PGBD2: variants seen among roughly 807,000 people sequenced by gnomAD.
PGBD2 encodes piggyBac transposable element derived 2, also known as piggyBac transposable element-derived protein 2.
PGBD2 carries 6 observed loss-of-function variants against 8.1 expected under a neutral mutation model. The ratio of observed to expected loss-of-function variants is 0.74; its 90% CI spans 0.40 to 1.46. PGBD2 has a LOEUF of 1.46. Among genes scored for constraint, PGBD2 ranks in the 40% most tolerant of loss-of-function variants. PGBD2 has a pLI of 0.02. For missense variants in PGBD2, 802 were observed against 739.0 expected (o/e 1.09, Z -0.99); for synonymous variants, 318 against 272.2 (o/e 1.17, Z -1.66).
At chr1:248,878,922 A>G in the PGBD2 span, among the ~76,000 whole-genome samples, 1 of 152,158 alleles carries the variant, frequency 6.6e-6, no homozygotes, top group African/African-American at 2.4e-5. Context: ...TAATGGTCCT[A>G]TAAAATCTAT....
At chr1:248,875,333 A>AG in the PGBD2 span, among the ~76,000 whole-genome samples, 1 of 148,850 alleles carries the variant, frequency 6.7e-6, no homozygotes, top group Non-Finnish European at 1.5e-5. Flanking sequence ...AAAAAAGAAA[A>AG]GAAAAAAAGA....
the PGBD2 span, among the ~76,000 whole-genome samples, chr1:248,873,945 A>T: frequency 6.6e-6 from 1 of 152,182 alleles, no homozygotes; most frequent in Admixed American, 6.5e-5. Context: ...CGTGGGTTCG[A>T]ATCCCACTTC....
the PGBD2 span, among the ~76,000 whole-genome samples, chr1:248,877,932 G>C: frequency 6.6e-6 from 1 of 152,312 alleles, no homozygotes; most frequent in Admixed American, 6.5e-5. Context: ...ATTTTATGGA[G>C]AATATTAATG....
At chr1:248,884,316 G>C in the PGBD2 span, among the ~76,000 whole-genome samples, 1 of 151,330 alleles carries the variant, frequency 6.6e-6, no homozygotes, top group East Asian at 1.9e-4. Flanking sequence ...CCTTTGAGGT[G>C]ATCAGATTAC....
the PGBD2 span, among the ~76,000 whole-genome samples, chr1:248,897,801 A>C: frequency 7.3e-6 from 1 of 136,404 alleles, no homozygotes; most frequent in South Asian, 2.1e-4. Context: ...CCCATGGGCC[A>C]GTGGCAGCGA....
At chr1:248,885,941 T>C in the PGBD2 span, among the ~76,000 whole-genome samples, 1 of 152,232 alleles carries the variant, frequency 6.6e-6, no homozygotes, top group African/African-American at 2.4e-5. Context: ...TAGAACATAA[T>C]GTCTTCCTTC....
upstream of PGBD2, among the ~76,000 whole-genome samples, chr1:248,905,555 A>G (rs370196937): frequency 6.6e-6 from 1 of 152,288 alleles, no homozygotes; most frequent in South Asian, 2.1e-4. Context: ...TTAAGGTTCT[A>G]TTTTTACCAA....
upstream of PGBD2, among the ~76,000 whole-genome samples, chr1:248,902,383 T>C (rs1661550114): frequency 6.6e-6 from 1 of 152,204 alleles, no homozygotes; most frequent in Non-Finnish European, 1.5e-5. Context: ...CAGAATGCTT[T>C]TACACTGTTG....
At chr1:248,893,261 C>T in the PGBD2 span, among the ~76,000 whole-genome samples, 1 of 152,220 alleles carries the variant, frequency 6.6e-6, no homozygotes, top group Non-Finnish European at 1.5e-5. Flanking sequence ...AATCCTCTAA[C>T]ATTTTTAAGT....
chr1:248,896,405 C>CT, the PGBD2 span, among the ~76,000 whole-genome samples: 2 of 152,102 alleles, frequency 1.3e-5, no homozygotes, highest in Admixed American at 6.5e-5. Context: ...CTGGAAAACT[C>CT]TAACTCTCAC....
chr1:248,875,724 A>G, the PGBD2 span, among the ~76,000 whole-genome samples: 1 of 152,312 alleles, frequency 6.6e-6, no homozygotes, highest in African/African-American at 2.4e-5. Flanking sequence ...GTGTTATCAT[A>G]CACTCTACAC....
chr1:248,882,753 C>T, the PGBD2 span, among the ~76,000 whole-genome samples: 2 of 152,332 alleles, frequency 1.3e-5, no homozygotes, highest in Admixed American at 6.5e-5. Flanking sequence ...CCTGACCGCA[C>T]GTCCATTCAT....
downstream of PGBD2, among the ~76,000 whole-genome samples, chr1:248,921,846 T>G (rs921438636): frequency 3.3e-5 from 5 of 152,206 alleles, no homozygotes; most frequent in African/African-American, 1.2e-4. Context: ...GAAGAGGTCC[T>G]TGACATCCCT....
chr1:248,918,555 A>C lies in PGBD2; in HGVS notation c.*192A>C. 2 of 345,072 alleles carry C rather than the reference A, an allele frequency of 5.8e-6. No homozygotes were observed. The highest frequency in any genetic ancestry group is 1.1e-5 in the Non-Finnish European group (2 of 187,740). The allele number at this position is 345,072 out of a possible 1,614,324, so 21.4% of individuals were successfully genotyped here. The stretch of plus-strand genomic sequence containing the variant: ...TTATGCCTACATGTGATATAAATTA[A>C]TATTTATATTCATTTATATTTATAT... On this transcript the variant is annotated 3_prime_UTR_variant, in exon 3 of 3. Transcript: ENST00000329291.
At chr1:248,919,438 T>A (rs769400277), downstream of PGBD2, 4 of 166,826 alleles carry the variant, frequency 2.4e-5, no homozygotes, top group Non-Finnish European at 5.9e-5. Context: ...TGTGGCTAAA[T>A]ATTAATCACA....
intron 1 of PGBD2, among the ~76,000 whole-genome samples, chr1:248,908,353 C>A (rs560756602): frequency 6.6e-6 from 1 of 152,092 alleles, no homozygotes; most frequent in Admixed American, 6.5e-5. Flanking sequence ...CTGGGCAGCT[C>A]GTGACCACCC....
the PGBD2 span, among the ~76,000 whole-genome samples, chr1:248,874,388 T>C: frequency 6.6e-6 from 1 of 152,210 alleles, no homozygotes; most frequent in East Asian, 1.9e-4. Context: ...AGCTATGACT[T>C]GACTTCTAAA....
At position 248,917,328 on chromosome 1, in the gene PGBD2, C is replaced by T; in HGVS notation, c.744C>T (p.Leu248=). The T allele has an allele frequency of 3.1e-6, 5 of 1,614,200 alleles. No individual in the cohort carries two copies. Among genetic ancestry groups the T allele is most frequent in the Non-Finnish European group, 4.2e-6 (5 of 1,180,030 alleles). Residue 248 remains leucine (L), a synonymous_variant, in exon 3 of 3, where the codon CTC becomes CTT. Coordinates refer to ENST00000329291, the MANE Select transcript of PGBD2 (RefSeq NM_170725.3). ...ATAGGTTTGCCAAGGTCAGACCTCT[C>T]ATCATCCGGATGAACTGCAATTTCC... ...ASDRFAKVRP[L]IIRMNCNFQK... is the part of the protein sequence containing the mutation.
chr1:248,921,100 G>C (rs1202202459), downstream of PGBD2, among the ~76,000 whole-genome samples: 2 of 151,954 alleles, frequency 1.3e-5, no homozygotes, highest in Non-Finnish European at 1.5e-5. Context: ...TGCCTGTTCA[G>C]TCTGATGATA....
Sources: gnomAD v4.1 joint callset for allele counts (sites outside exome capture counted in the v4.1 genomes callset) on GRCh38, gnomAD v4.1.1 for gene constraint, MANE v1.5 for transcripts, NCBI Gene and HGNC (gene_info 2026-07-23, HGNC 2026-07-21) for gene names.